Variants in TDRD3 observed in about 807,000 individuals in gnomAD.
TDRD3 encodes the protein tudor domain containing 3, also known as tudor domain-containing protein 3.
Under a neutral mutation model 86.7 loss-of-function variants are expected in TDRD3, and 45 were observed. That is an observed-to-expected ratio of 0.52 (90% CI 0.41 to 0.67). The LOEUF (loss-of-function observed/expected upper bound fraction) is 0.67. Among genes scored for constraint, TDRD3 ranks in the 30% least tolerant of loss-of-function variants. The probability of loss-of-function intolerance (pLI) is 0.00; values close to 1 mark genes in which losing one functional copy is unlikely to be tolerated. For missense variants in TDRD3, 814 were observed against 889.0 expected (o/e 0.92, Z 1.07); for synonymous variants, 298 against 301.7 (o/e 0.99, Z 0.13).
intron 1 of TDRD3, among the ~76,000 whole-genome samples, chr13:60,430,866 T>G (rs1390578334): frequency 1.3e-5 from 2 of 152,144 alleles, no homozygotes; most frequent in Non-Finnish European, 1.5e-5. Flanking sequence ...TATCTCACGA[T>G]CATTTTAAAA....
chr13:60,497,155 G>A (rs952573014), intron 8 of TDRD3, among the ~76,000 whole-genome samples: 1 of 152,166 alleles, frequency 6.6e-6, no homozygotes, highest in African/African-American at 2.4e-5. Context: ...GTCAACGGCG[G>A]GTCTGGGACG....
In TDRD3 at chr13:60,400,737, CAAA is replaced by C. The variant is rs796259856; in HGVS notation, c.41+3346_41+3348del. ...TGGGCGACAGAGCGAGACTGTGTCT[CAAA>C]AAAAAAAAAAAAAGTGTCTTCCATG... On this transcript the variant is annotated intron_variant, in intron 1 of 13. Coordinates refer to ENST00000377881, the MANE Select transcript of TDRD3 (RefSeq NM_001146070.2). Among the ~76,000 whole-genome samples, 23 of 91,358 alleles carry C rather than the reference CAAA, an allele frequency of 2.5e-4. 1 individual carries two copies. In the South Asian group the frequency reaches 7.6e-3, roughly 30 times the overall value. 59.9% of individuals were successfully genotyped at this position (91,358 alleles called of 152,430 possible). A position where few individuals can be genotyped will look rare whatever the true frequency, so the allele number is the denominator to read the frequency against.
chr13:60,565,039 A>ATTTTTTT (rs1566310089), intron 12 of TDRD3, among the ~76,000 whole-genome samples: 3 of 104,284 alleles, frequency 2.9e-5, no homozygotes, highest in African/African-American at 1.4e-4. Context: ...AACTATCAGT[A>ATTTTTTT]TCTTTTTTTT....
chr13:60,420,173 T>C (rs1460924513), intron 1 of TDRD3, among the ~76,000 whole-genome samples: 1 of 152,046 alleles, frequency 6.6e-6, no homozygotes, highest in Non-Finnish European at 1.5e-5. Context: ...AGGTTAATGT[T>C]TTTTACCTAA....
At chr13:60,458,503 C>T (rs1955729557) in intron 3 of TDRD3, among the ~76,000 whole-genome samples, 1 of 152,136 alleles carries the variant, frequency 6.6e-6, no homozygotes, top group Non-Finnish European at 1.5e-5. Flanking sequence ...ATGGTTGCTC[C>T]AGATATCGAA....
At position 60,528,349 on chromosome 13, in the gene TDRD3, T is replaced by C. The variant is rs1325576612; in HGVS notation, c.1142-18T>C. 6.4e-7 allele frequency: 1 copy of C among 1,574,128 alleles called. No homozygotes were observed. The highest frequency in any genetic ancestry group is 1.4e-5 in the African/African-American group (1 of 72,936). On this transcript the variant is annotated intron_variant, in intron 10 of 13. Coordinates refer to ENST00000377881, the MANE Select transcript of TDRD3 (RefSeq NM_001146070.2). ...AGTCTTCATCTTAATTTGCATATGGTATACTTTTACCTTTCAGAACCTAAA... is the reference window on the plus strand; with the variant it reads ...AGTCTTCATCTTAATTTGCATATGGCATACTTTTACCTTTCAGAACCTAAA...
chr13:60,504,382 T>G (rs1956892302), intron 8 of TDRD3, among the ~76,000 whole-genome samples: 1 of 152,180 alleles, frequency 6.6e-6, no homozygotes, highest in South Asian at 2.1e-4. Flanking sequence ...CAGACAGAAG[T>G]GCAGATAAGG....
At position 60,397,291 on chromosome 13, in the gene TDRD3, G is replaced by T; in HGVS notation, c.-74G>T. ...TCTTTTCTTTTTTTTTTTTTAAGGGGGGGGGTCTCAAGTAGGAGGCCTCCC... is the reference window on the plus strand; with the variant it reads ...TCTTTTCTTTTTTTTTTTTTAAGGGTGGGGGTCTCAAGTAGGAGGCCTCCC... On this transcript the variant is annotated 5_prime_UTR_variant, in exon 1 of 14. Transcript: ENST00000377881. 1 of 795,626 alleles carries T rather than the reference G, an allele frequency of 1.3e-6. No individual in the cohort carries two copies. The highest frequency in any genetic ancestry group is 3.4e-5 in the Admixed American group (1 of 29,092). The allele number at this position is 795,626 out of a possible 1,614,324, so 49.3% of individuals were successfully genotyped here.
chr13:60,547,554 T>G (rs1957964156), intron 12 of TDRD3: 2 of 248,388 alleles, frequency 8.1e-6, no homozygotes, highest in Non-Finnish European at 6.4e-6. Flanking sequence ...AATTAAATGA[T>G]CTATGTAAAT....
chr13:60,500,888 G>T (rs889048209), intron 8 of TDRD3, among the ~76,000 whole-genome samples: 1 of 152,128 alleles, frequency 6.6e-6, no homozygotes, highest in Non-Finnish European at 1.5e-5. Flanking sequence ...CCCATTCTGT[G>T]GACACCACCT....
intron 3 of TDRD3, among the ~76,000 whole-genome samples, chr13:60,450,762 T>C (rs758665875): frequency 1.3e-5 from 2 of 152,140 alleles, no homozygotes; most frequent in Non-Finnish European, 2.9e-5. Flanking sequence ...GCCGTGTCAA[T>C]GTAGTGAAAC....
At chr13:60,483,711 T>TTCC (rs1956366673) in intron 5 of TDRD3, 64 bp from the exon 6 acceptor site, 2 of 1,476,226 alleles carry the variant, frequency 1.4e-6, no homozygotes, top group African/African-American at 1.4e-5. Flanking sequence ...CCTGTTACAT[T>TTCC]ATAAATGCTG....
chr13:60,459,137 T>C (rs984728434), intron 3 of TDRD3, among the ~76,000 whole-genome samples: 1 of 152,194 alleles, frequency 6.6e-6, no homozygotes, highest in Admixed American at 6.5e-5. Flanking sequence ...TACTGATAAA[T>C]ATGGAGTAGA....
chr13:60,491,529 G>A (rs999716509), intron 7 of TDRD3, among the ~76,000 whole-genome samples: 5 of 152,172 alleles, frequency 3.3e-5, no homozygotes, highest in African/African-American at 1.2e-4. Flanking sequence ...CCAGTAACAG[G>A]ATAAAAACAG....
rs537811121 is a variant in TDRD3 at position 60,463,475 on chromosome 13, C to G, written c.353+2935C>G. On this transcript the variant is annotated intron_variant, in intron 4 of 13. Transcript: ENST00000377881. Reference sequence around the variant, plus strand: ...GGCAAAAATTTTTTGGATAAGACCTCAAAAACATAGGCAACATAAGTAAAA... The same window carrying G: ...GGCAAAAATTTTTTGGATAAGACCTGAAAAACATAGGCAACATAAGTAAAA... 3.3e-5 allele frequency among the ~76,000 whole-genome samples: 5 copies of G among 151,110 alleles called. No individual in the cohort carries two copies. In the East Asian group the frequency reaches 7.7e-4, roughly 23 times the overall value.
intron 12 of TDRD3, chr13:60,536,156 C>T (rs997220164): frequency 1.3e-5 from 2 of 151,860 alleles, no homozygotes; most frequent in Non-Finnish European, 2.9e-5. Context: ...CAGTGGTACC[C>T]CTTCTCCACC....
intron 1 of TDRD3, among the ~76,000 whole-genome samples, chr13:60,437,010 G>A (rs1955128308): frequency 9.1e-6 from 1 of 109,580 alleles, no homozygotes; most frequent in African/African-American, 3.2e-5. Flanking sequence ...GCTTTTGTCT[G>A]TGTGAGCTGA....
intron 13 of TDRD3, among the ~76,000 whole-genome samples, chr13:60,572,927 T>G (rs1427761928): frequency 1.3e-5 from 2 of 152,074 alleles, no homozygotes; most frequent in East Asian, 1.9e-4. Context: ...AGGTGAGGAT[T>G]ATAGTACCCG....
intron 8 of TDRD3, among the ~76,000 whole-genome samples, chr13:60,496,180 C>T (rs1204727868): frequency 6.6e-6 from 1 of 150,894 alleles, no homozygotes; most frequent in Non-Finnish European, 1.5e-5. Context: ...TAACCTCAAA[C>T]ATCAGACTCC....
Sources: gnomAD v4.1 joint callset for allele counts (sites outside exome capture counted in the v4.1 genomes callset) on GRCh38, gnomAD v4.1.1 for gene constraint, MANE v1.5 for transcripts, NCBI Gene and HGNC (gene_info 2026-07-23, HGNC 2026-07-21) for gene names.